Variants in POLQ observed in about 807,000 individuals in gnomAD.
POLQ encodes the protein epididymis secretory sperm binding protein.
A neutral mutation model predicts 259.2 loss-of-function variants in POLQ; 233 were observed. That is an observed-to-expected ratio of 0.90 (90% CI 0.81 to 1.00). The LOEUF (loss-of-function observed/expected upper bound fraction) is 1.00. POLQ is among the 50% of genes least tolerant of loss of function. The probability of loss-of-function intolerance (pLI) is 0.00; values close to 1 mark genes in which losing one functional copy is unlikely to be tolerated. For synonymous variants in POLQ, 1,025 were observed against 1,048.8 expected, an observed-to-expected ratio of 0.98 and a Z score of 0.44; for missense variants, 2,871 against 3,051.6, an observed-to-expected ratio of 0.94 and a Z score of 1.39.
intron 19 of POLQ, among the ~76,000 whole-genome samples, chr3:121,481,348 A>G (rs1431330156): frequency 1.3e-5 from 2 of 152,244 alleles, no homozygotes; most frequent in African/African-American, 4.8e-5. Context: ...GGTCTTGTCT[A>G]CAGCTGCTCT....
chr3:121,475,625 A>AT (rs1214118710), intron 20 of POLQ, among the ~76,000 whole-genome samples: 2 of 152,014 alleles, frequency 1.3e-5, no homozygotes, highest in East Asian at 1.9e-4. Context: ...TAGCTTAAGC[A>AT]TTTTTTTGGG....
intron 25 of POLQ, 77 bp downstream of exon 25, chr3:121,459,962 CTCAGCTGCAAA>C (rs1351350657): frequency 1.0e-6 from 1 of 977,876 alleles, no homozygotes; most frequent in African/African-American, 1.6e-5. Flanking sequence ...GAAACTGTTT[CTCAGCTGCAAA>C]TAATTGAGAC....
chr3:121,461,959 T>C (rs2047795758), intron 24 of POLQ, among the ~76,000 whole-genome samples: 2 of 152,262 alleles, frequency 1.3e-5, no homozygotes, highest in African/African-American at 2.4e-5. Flanking sequence ...TAAATACTAA[T>C]TTAAAATACA....
At chr3:121,511,761 G>C (rs2048257064) in intron 10 of POLQ, 126 bp downstream of exon 10, 1 of 736,998 alleles carries the variant, frequency 1.4e-6, no homozygotes. Context: ...CTGGGTAACA[G>C]AGTGAGACTC....
At chr3:121,481,885 GA>G in intron 18 of POLQ, 73 bp from the exon 19 acceptor site, 3 of 1,346,294 alleles carry the variant, frequency 2.2e-6, no homozygotes, top group South Asian at 1.5e-5. Flanking sequence ...AATGAAAAGG[GA>G]AAAAAACAAA....
intron 20 of POLQ, among the ~76,000 whole-genome samples, chr3:121,476,210 A>G (rs2047924099): frequency 6.6e-6 from 1 of 152,170 alleles, no homozygotes. Flanking sequence ...CTTCCTGGAA[A>G]AATAGCTATG....
At chr3:121,462,419 G>T (rs1027474977) in intron 24 of POLQ, among the ~76,000 whole-genome samples, 1 of 152,174 alleles carries the variant, frequency 6.6e-6, no homozygotes. Context: ...CTGAAGCACA[G>T]CGCTGTATCT....
At position 121,540,356 on chromosome 3, in the gene POLQ, G is replaced by A. The variant is rs140460531; in HGVS notation, c.475-767C>T. Among the ~76,000 whole-genome samples, 4 of 152,228 alleles carry A rather than the reference G, an allele frequency of 2.6e-5. No homozygotes were observed. The East Asian group carries it at 5.8e-4, about 22-fold the overall frequency. The stretch of plus-strand genomic sequence containing the variant: ...CAGCCAGTTATATGCCCGGCCTAAA[G>A]ACATAGTTAGTGGCAAAACTGGGAC... On this transcript the variant is annotated intron_variant, in intron 3 of 29. Transcript: ENST00000264233.
intron 26 of POLQ, among the ~76,000 whole-genome samples, chr3:121,447,343 G>T (rs1251743576): frequency 6.6e-6 from 1 of 151,638 alleles, no homozygotes; most frequent in African/African-American, 2.4e-5. Context: ...GCTAATTTTT[G>T]TATTTTTTTG....
chr3:121,515,259 C>T (rs968139796), intron 9 of POLQ, among the ~76,000 whole-genome samples: 10 of 152,128 alleles, frequency 6.6e-5, no homozygotes, highest in African/African-American at 2.2e-4. Flanking sequence ...AACTCCTGGG[C>T]TCAAGCGATC....
chr3:121,529,527 T>G lies in POLQ; in HGVS notation c.1108+118A>C, dbSNP rs2048395927. On this transcript the variant is annotated intron_variant, in intron 7 of 29. Transcript: ENST00000264233. ...ACAGTTTGGTAAAAAGGATACCACC[T>G]AGTGGGCAGGCAGTGACAATGATGA... is the stretch of plus-strand genomic sequence containing the variant. The G allele has an allele frequency of 6.5e-6, 6 of 919,106 alleles. No homozygotes were observed. In the South Asian group the frequency reaches 8.3e-5, roughly 13 times the overall value. The allele number at this position is 919,106 out of a possible 1,614,324, so 56.9% of individuals were successfully genotyped here.
At position 121,488,723 on chromosome 3, in the gene POLQ, T is replaced by A. The variant is rs1464373633; in HGVS notation, c.4208A>T (p.Asp1403Val). ...AGTCAGGATATCAACCCCATGTGAA[T>A]CACTGCTTTGTTTCATAGTACCTAC... ...KTVGTMKQSS[D>V]SHGVDILTPE... The change falls in exon 16 of 30, where the codon GAT (aspartate) becomes GTT (valine). Residue 1403 changes from aspartate (D) to valine (V), a missense_variant. Asp to Val is a radical substitution (Grantham distance 152). Coordinates refer to ENST00000264233, the MANE Select transcript of POLQ (RefSeq NM_199420.4). 6.2e-7 allele frequency: 1 copy of A among 1,613,962 alleles called. No individual in the cohort carries two copies. Among genetic ancestry groups the A allele is most frequent in the South Asian group, 1.1e-5 (1 of 91,056 alleles).
chr3:121,493,608 G>T lies in POLQ; in HGVS notation c.2392C>A (p.Arg798=), dbSNP rs753866746. 6.2e-7 allele frequency: 1 copy of T among 1,613,890 alleles called. No homozygotes were observed. The highest frequency in any genetic ancestry group is 1.3e-5 in the African/African-American group (1 of 74,890). ...CTCTGAGCATTTAGTAAGGATACCC[G>T]AACCAGGTCACACAGCTCCCTCTGG... The part of the protein sequence containing the change: ...GIQRELCDLV[R]VSLLNAQRAR... Residue 798 remains arginine, a synonymous_variant, in exon 15 of 30, where the codon CGG becomes AGG. Transcript: ENST00000264233.
At chr3:121,492,381 G>C (rs1445701869) in intron 15 of POLQ, among the ~76,000 whole-genome samples, 1 of 152,118 alleles carries the variant, frequency 6.6e-6, no homozygotes, top group Non-Finnish European at 1.5e-5. Flanking sequence ...ACTGAGTCTA[G>C]CCCATTCAAT....
chr3:121,464,823 T>C (rs2047822269), intron 24 of POLQ, among the ~76,000 whole-genome samples: 2 of 152,252 alleles, frequency 1.3e-5, no homozygotes, highest in Non-Finnish European at 2.9e-5. Flanking sequence ...CATCACATTA[T>C]GTATACACAA....
chr3:121,513,654 G>A (rs4676727), intron 9 of POLQ, among the ~76,000 whole-genome samples: 16,343 of 146,506 alleles, frequency 0.11, 1,154 homozygotes, highest in Middle Eastern at 0.19. Flanking sequence ...GCAAGATGGT[G>A]GTTTAGGAGG....
At position 121,440,058 on chromosome 3, in the gene POLQ, C is replaced by A. The variant is rs1312676549; in HGVS notation, c.7323G>T (p.Gln2441His). 6.2e-7 allele frequency: 1 copy of A among 1,611,198 alleles called. No homozygotes were observed. The highest frequency in any genetic ancestry group is 1.1e-5 in the South Asian group (1 of 91,018). ...VKNCKRDGFV[Q>H]TILGRRRYLP... is the part of the protein sequence containing the mutation. ...AATATCTACGCCTTCCCAAAATGGT[C>A]TGAACAAATCCGTCTCTTTTACAAT... Residue 2441 changes from glutamine to histidine, a missense_variant, in exon 27 of 30, where the codon CAG becomes CAT. Coordinates refer to ENST00000264233, the MANE Select transcript of POLQ (RefSeq NM_199420.4).
chr3:121,542,429 G>C (rs1023240240), intron 2 of POLQ, among the ~76,000 whole-genome samples: 3 of 152,100 alleles, frequency 2.0e-5, no homozygotes, highest in African/African-American at 7.2e-5. Flanking sequence ...GGAATGCCAT[G>C]CCTAAGAAAC....
At chr3:121,454,775 T>A (rs1323677808) in intron 25 of POLQ, among the ~76,000 whole-genome samples, 2 of 152,084 alleles carry the variant, frequency 1.3e-5, no homozygotes, top group Non-Finnish European at 2.9e-5. Context: ...TCCCACACAA[T>A]AATAATGGGA....
Sources: gnomAD v4.1 joint callset for allele counts (sites outside exome capture counted in the v4.1 genomes callset) on GRCh38, gnomAD v4.1.1 for gene constraint, MANE v1.5 for transcripts, NCBI Gene and HGNC (gene_info 2026-07-23, HGNC 2026-07-21) for gene names.